The following DSG1 variants were observed in gnomAD, a reference collection of about 807,000 sequenced individuals.
DSG1 encodes desmoglein-1.
In DSG1, 39 loss-of-function variants were observed where a neutral mutation model predicts 97.5. That is an observed-to-expected ratio of 0.40 (90% CI 0.31 to 0.52). DSG1 has a LOEUF of 0.52. DSG1 is among the 20% of genes least tolerant of loss of function. The probability of loss-of-function intolerance (pLI) is 0.53; values close to 1 mark genes in which losing one functional copy is unlikely to be tolerated. For missense variants in DSG1, 1,311 were observed against 1,295.4 expected (o/e 1.01, Z -0.18); for synonymous variants, 475 against 443.4 (o/e 1.07, Z -0.90).
chr18:31,346,634 T>A (rs1178839001), intron 14 of DSG1, among the ~76,000 whole-genome samples: 1 of 152,120 alleles, frequency 6.6e-6, no homozygotes, highest in Admixed American at 6.6e-5. Flanking sequence ...CTCCTACCCA[T>A]CCTTCAAGAC....
intron 1 of DSG1, among the ~76,000 whole-genome samples, chr18:31,318,944 C>T (rs1011573299): frequency 2.6e-5 from 4 of 152,010 alleles, no homozygotes; most frequent in African/African-American, 4.8e-5. Flanking sequence ...TTTCAAAAAA[C>T]GGCAGTACAG....
chr18:31,351,015 T>C (rs1167973943), intron 14 of DSG1, among the ~76,000 whole-genome samples: 2 of 150,004 alleles, frequency 1.3e-5, no homozygotes, highest in Non-Finnish European at 2.9e-5. Context: ...TGCTAGCTTT[T>C]GAATGTGTTT....
intron 9 of DSG1, among the ~76,000 whole-genome samples, chr18:31,337,086 C>T (rs1038735933): frequency 6.6e-6 from 1 of 152,122 alleles, no homozygotes; most frequent in African/African-American, 2.4e-5. Context: ...AGGAAAACTA[C>T]ACCATGTAAT....
Position 31,339,745 on chromosome 18 carries a change from T to C in DSG1, c.1407T>C (p.Asp469=), listed in dbSNP as rs770165730. The C allele has an allele frequency of 9.3e-6, 15 of 1,607,500 alleles. No individual in the cohort carries two copies. The South Asian group carries it at 1.5e-4, about 17-fold the overall frequency. Residue 469 remains aspartate (D), a splice_region_variant and synonymous_variant, in exon 11 of 15, where the codon GAT becomes GAC. Coordinates refer to ENST00000257192, the MANE Select transcript of DSG1 (RefSeq NM_001942.4). ...CTTCCATTTTGAACGTTATTACAGA[T>C]AATCTTCAAAGAACTTGCACTGGTA... The part of the protein sequence containing the change: ...KYQGTILSID[D]NLQRTCTGTI...
chr18:31,338,138 A>G (rs2071766446), intron 9 of DSG1, among the ~76,000 whole-genome samples, 177 bp from the exon 10 acceptor site: 1 of 152,180 alleles, frequency 6.6e-6, no homozygotes, highest in Non-Finnish European at 1.5e-5. Context: ...AAATCTTGAT[A>G]TATCCCTGAG....
rs76753201 is a variant in DSG1, at chr18:31,327,748, C to T, written c.217-441C>T. On this transcript the variant is annotated intron_variant, in intron 3 of 14. Transcript: ENST00000257192. Reference sequence around the variant, plus strand: ...GTCACCTAAATAAATCTACTTTCTTCGAAAACTTTACATTTAAAACAAATT... The same window carrying T: ...GTCACCTAAATAAATCTACTTTCTTTGAAAACTTTACATTTAAAACAAATT... Among the ~76,000 whole-genome samples, 424 of 152,190 alleles carry T rather than the reference C, an allele frequency of 2.8e-3. 8 individuals are homozygous for T. In the East Asian group the frequency reaches 0.044, roughly 16 times the overall value.
In DSG1 at chr18:31,333,638, G is replaced by T. The variant is rs145045312; in HGVS notation, c.734G>T (p.Gly245Val). 5.5e-4 allele frequency: 893 copies of T among 1,613,890 alleles called. No individual in the cohort carries two copies. Among genetic ancestry groups the T allele is most frequent in the Non-Finnish European group, 7.3e-4 (857 of 1,179,842 alleles). Residue 245 changes from glycine (G) to valine (V), a missense_variant, in exon 7 of 15, where the codon GGG becomes GTG. By Grantham distance (109) the Gly-to-Val change is moderately radical (BLOSUM62 -3). Around this residue, in one of 3 missense-constraint regions of DSG1, gnomAD observed 259 missense variants for 304.1 expected, o/e 0.85. Coordinates refer to ENST00000257192, the MANE Select transcript of DSG1 (RefSeq NM_001942.4). ...GTAAGAGGCTCTGACCGAGATGGCGGGGCAGATGGCATGTCAGCGGAATGT... is the reference window on the plus strand; with the variant it reads ...GTAAGAGGCTCTGACCGAGATGGCGTGGCAGATGGCATGTCAGCGGAATGT... The part of the protein sequence containing the change: ...LAVRGSDRDG[G>V]ADGMSAECEC...
At chr18:31,339,539 T>G (rs1043086579) in intron 10 of DSG1, among the ~76,000 whole-genome samples, 3 of 151,978 alleles carry the variant, frequency 2.0e-5, no homozygotes, top group Non-Finnish European at 4.4e-5. Flanking sequence ...TTACTATGAC[T>G]AATAATGTTA....
intron 14 of DSG1, 44 bp downstream of exon 14, chr18:31,346,242 G>T: frequency 6.7e-7 from 1 of 1,497,610 alleles, no homozygotes; most frequent in Non-Finnish European, 9.3e-7. Flanking sequence ...CCATGTGCCT[G>T]CTGCTCTTCA....
chr18:31,355,159 G>A lies in DSG1; in HGVS notation c.2963G>A (p.Ser988Asn). 1.2e-6 allele frequency: 2 copies of A among 1,608,488 alleles called. No individual in the cohort carries two copies. Among genetic ancestry groups the A allele is most frequent in the South Asian group, 1.1e-5 (1 of 90,198 alleles). Residue 988 changes from serine to asparagine, a missense_variant, in exon 15 of 15, where the codon AGC becomes AAC. This residue lies in a region of DSG1 where 1,038 missense variants were observed against 964.6 expected (regional missense o/e 1.08). Transcript: ENST00000257192. ...GLVGTSMGAG[S>N]GALSGAGISG... ...GTTGGCACCAGCATGGGTGCTGGGA[G>A]CGGTGCCCTGAGTGGAGCTGGCATA...
At chr18:31,333,877 G>A in intron 7 of DSG1, 140 bp from the exon 8 acceptor site, 3 of 1,153,090 alleles carry the variant, frequency 2.6e-6, no homozygotes, top group Non-Finnish European at 3.8e-6. Context: ...AAGAATAAAT[G>A]GAGTTAAGCA....
intron 12 of DSG1, 52 bp from the exon 13 acceptor site, chr18:31,343,874 A>T: frequency 7.0e-7 from 1 of 1,434,850 alleles, no homozygotes; most frequent in Non-Finnish European, 9.8e-7. Context: ...GACTGCAGAA[A>T]GATTATAGTC....
chr18:31,352,221 A>T (rs373922073), intron 14 of DSG1, among the ~76,000 whole-genome samples: 1 of 150,632 alleles, frequency 6.6e-6, no homozygotes. Flanking sequence ...TTTCTCCTTC[A>T]CTTATGAAGC....
chr18:31,355,163 T>A lies in DSG1; in HGVS notation c.2967T>A (p.Gly989=). The A allele has an allele frequency of 6.2e-7, 1 of 1,607,420 alleles. No individual in the cohort carries two copies. Among genetic ancestry groups the A allele is most frequent in the Non-Finnish European group, 8.5e-7 (1 of 1,175,852 alleles). The change falls in exon 15 of 15, where the codon GGT becomes GGA. Residue 989 remains glycine, a synonymous_variant. Transcript: ENST00000257192. ...LVGTSMGAGS[G]ALSGAGISGG... is the part of the protein sequence containing the mutation. ...GCACCAGCATGGGTGCTGGGAGCGG[T>A]GCCCTGAGTGGAGCTGGCATAAGTG... is the stretch of plus-strand genomic sequence containing the variant.
chr18:31,344,595 A>G (rs2071816245), intron 13 of DSG1, among the ~76,000 whole-genome samples: 1 of 152,216 alleles, frequency 6.6e-6, no homozygotes, highest in African/African-American at 2.4e-5. Flanking sequence ...AATCTTTCTA[A>G]GCTCTCAACT....
chr18:31,324,642 G>A (rs976540313), intron 1 of DSG1, among the ~76,000 whole-genome samples: 2 of 151,930 alleles, frequency 1.3e-5, no homozygotes, highest in African/African-American at 4.8e-5. Flanking sequence ...TCCCTCTCTC[G>A]AACACCCCCA....
intron 1 of DSG1, among the ~76,000 whole-genome samples, chr18:31,321,584 A>ATC (rs2071654402): frequency 6.6e-6 from 1 of 152,210 alleles, no homozygotes; most frequent in African/African-American, 2.4e-5. Flanking sequence ...AGCATCTTCT[A>ATC]TCACCTTTAC....
chr18:31,331,240 CT>C (rs2071719157), intron 5 of DSG1, among the ~76,000 whole-genome samples: 1 of 152,022 alleles, frequency 6.6e-6, no homozygotes, highest in Non-Finnish European at 1.5e-5. Context: ...ATATAGTTTT[CT>C]CTTATTAATG....
chr18:31,318,247 AGAG>A lies in DSG1; in HGVS notation c.-53_-51del, dbSNP rs2071632118. The stretch of plus-strand genomic sequence containing the variant: ...GCTGAGTGGGAGAAAGAAAAAGAAC[AGAG>A]AAGAACAAACAAAACTCCCTTGGTC... On this transcript the variant is annotated 5_prime_UTR_variant, in exon 1 of 15. Transcript: ENST00000257192. 2 of 1,476,186 alleles carry A rather than the reference AGAG, an allele frequency of 1.4e-6. No individual in the cohort carries two copies. Among genetic ancestry groups the A allele is most frequent in the Non-Finnish European group, 1.9e-6 (2 of 1,054,166 alleles). The allele number at this position is 1,476,186 out of a possible 1,614,324, so 91.4% of individuals were successfully genotyped here.
Sources: gnomAD v4.1 joint callset for allele counts (sites outside exome capture counted in the v4.1 genomes callset) on GRCh38, gnomAD v4.1.1 for gene constraint, gnomAD v4.1.1 regional missense constraint, MANE v1.5 for transcripts, NCBI Gene and HGNC (gene_info 2026-07-23, HGNC 2026-07-21) for gene names.